The following EYA4 variants were observed in gnomAD, a reference collection of about 807,000 sequenced individuals.
EYA4 encodes protein phosphatase EYA4.
EYA4 carries 31 observed loss-of-function variants against 87.9 expected under a neutral mutation model. The observed-to-expected ratio is 0.35, with a 90% CI of 0.27 to 0.48. The LOEUF is 0.48. EYA4 is among the 20% of genes least tolerant of loss of function. The pLI is 0.99. For synonymous variants in EYA4, 263 were observed against 270.6 expected (o/e 0.97, Z 0.28); for missense variants, 678 against 761.4 (o/e 0.89, Z 1.29).
At chr6:133,243,654 C>CTTTT (rs200732942) in intron 1 of EYA4, among the ~76,000 whole-genome samples, 10 of 134,354 alleles carry the variant, frequency 7.4e-5, no homozygotes, top group African/African-American at 2.2e-4. Flanking sequence ...GAATCAGTGC[C>CTTTT]TTTTTTTTTT....
intron 3 of EYA4, among the ~76,000 whole-genome samples, chr6:133,400,582 G>A (rs1488732862): frequency 6.6e-6 from 1 of 151,694 alleles, no homozygotes; most frequent in Admixed American, 6.6e-5. Flanking sequence ...TTCTAATATA[G>A]GATTCATTTA....
intron 17 of EYA4, among the ~76,000 whole-genome samples, chr6:133,519,456 A>G (rs938361063): frequency 2.3e-4 from 35 of 151,150 alleles, no homozygotes; most frequent in African/African-American, 8.5e-4. Flanking sequence ...AAGAAGTTGA[A>G]TCTCTGAATA....
At chr6:133,456,803 GC>G (rs1437825785) in intron 6 of EYA4, among the ~76,000 whole-genome samples, 155 bp downstream of exon 6, 1 of 152,148 alleles carries the variant, frequency 6.6e-6, no homozygotes, top group African/African-American at 2.4e-5. Context: ...CATAGTCATA[GC>G]AGTATGCATT....
intron 2 of EYA4, among the ~76,000 whole-genome samples, chr6:133,323,354 G>T (rs1450083525): frequency 6.6e-6 from 1 of 152,102 alleles, no homozygotes; most frequent in Non-Finnish European, 1.5e-5. Flanking sequence ...ACTCAGAACT[G>T]CAGAGTGTTG....
chr6:133,375,321 A>G (rs1447130242), intron 2 of EYA4, among the ~76,000 whole-genome samples: 1 of 151,972 alleles, frequency 6.6e-6, no homozygotes. Context: ...TTTAAATATT[A>G]TATTTAGGAT....
intron 1 of EYA4, among the ~76,000 whole-genome samples, chr6:133,243,089 C>CGTGTGTGTGTGTGTGT (rs3065226): frequency 0.019 from 2,796 of 145,406 alleles, 50 homozygotes; most frequent in East Asian, 0.026. Context: ...GGAGCAACTT[C>CGTGTGTGTGTGTGTGT]GTGTGTGTGT....
chr6:133,481,643 T>C, intron 12 of EYA4, 44 bp downstream of exon 12: 1 of 1,594,056 alleles, frequency 6.3e-7, no homozygotes, highest in Non-Finnish European at 8.6e-7. Flanking sequence ...ATGCTTTATT[T>C]TACCGAATGA....
At chr6:133,510,340 A>G (rs74740574) in intron 14 of EYA4, 5,971 of 170,438 alleles carry the variant, frequency 0.035, 376 homozygotes, top group African/African-American at 0.13. Context: ...CAGAGCTTCA[A>G]TGGAATGGGC....
chr6:133,440,319 A>G (rs1344857036), intron 3 of EYA4, among the ~76,000 whole-genome samples: 1 of 152,200 alleles, frequency 6.6e-6, no homozygotes, highest in East Asian at 1.9e-4. Context: ...TTCAATTAAC[A>G]ATCTAGTAGT....
intron 3 of EYA4, among the ~76,000 whole-genome samples, chr6:133,412,213 T>C (rs1023975954): frequency 1.3e-5 from 2 of 152,230 alleles, no homozygotes; most frequent in Admixed American, 1.3e-4. Context: ...ATCATGACTT[T>C]CATGATGTAA....
chr6:133,385,409 G>C (rs1174928130), intron 3 of EYA4, among the ~76,000 whole-genome samples: 13 of 142,890 alleles, frequency 9.1e-5, no homozygotes, highest in South Asian at 4.3e-4. Context: ...GTGTGTGTGT[G>C]TGTGTGTGTG....
intron 2 of EYA4, among the ~76,000 whole-genome samples, chr6:133,294,390 G>T (rs1202182858): frequency 2.1e-5 from 3 of 142,378 alleles, no homozygotes; most frequent in African/African-American, 5.2e-5. Flanking sequence ...TTTTTTAAGA[G>T]ACAGTCTTAC....
intron 2 of EYA4, among the ~76,000 whole-genome samples, chr6:133,351,270 C>T (rs1189637468): frequency 6.6e-6 from 1 of 152,170 alleles, no homozygotes; most frequent in East Asian, 1.9e-4. Context: ...GGCCTCTGTA[C>T]TCTGGCTGGA....
At chr6:133,269,792 G>GATATAT (rs3065328) in intron 1 of EYA4, among the ~76,000 whole-genome samples, 2 of 150,720 alleles carry the variant, frequency 1.3e-5, no homozygotes, top group Non-Finnish European at 3.0e-5. Context: ...GAACTAATAG[G>GATATAT]ATATATATAT....
intron 3 of EYA4, among the ~76,000 whole-genome samples, chr6:133,428,848 C>G (rs1790905724): frequency 7.4e-6 from 1 of 135,944 alleles, no homozygotes; most frequent in Non-Finnish European, 1.6e-5. Context: ...ATTCCCAAAA[C>G]AATTATTAAT....
intron 11 of EYA4, among the ~76,000 whole-genome samples, chr6:133,478,127 C>G (rs1246504744): frequency 4.6e-5 from 7 of 151,970 alleles, no homozygotes; most frequent in Non-Finnish European, 1.0e-4. Context: ...TGTGGAACAA[C>G]TGAAACTCTC....
At chr6:133,408,592 T>C (rs1289355875) in intron 3 of EYA4, among the ~76,000 whole-genome samples, 1 of 152,204 alleles carries the variant, frequency 6.6e-6, no homozygotes, top group Non-Finnish European at 1.5e-5. Flanking sequence ...TTGCTAGCTA[T>C]ACAGTGTTGG....
intron 2 of EYA4, among the ~76,000 whole-genome samples, chr6:133,285,944 G>A (rs1188262327): frequency 2.0e-5 from 3 of 152,168 alleles, no homozygotes; most frequent in East Asian, 1.9e-4. Flanking sequence ...AGACATGGTG[G>A]CAGAGACATT....
intron 3 of EYA4, among the ~76,000 whole-genome samples, chr6:133,391,115 T>A (rs1446739878): frequency 2.0e-5 from 3 of 152,192 alleles, no homozygotes; most frequent in Non-Finnish European, 2.9e-5. Flanking sequence ...TGGTTTAGCT[T>A]GCTAGTTGTT....
Sources: allele counts gnomAD v4.1 joint callset (sites outside exome capture counted in the v4.1 genomes callset), GRCh38; gene constraint gnomAD v4.1.1; transcripts MANE v1.5; gene names NCBI Gene and HGNC (gene_info 2026-07-23, HGNC 2026-07-21).